Variants in PITPNC1 observed in about 807,000 individuals in gnomAD.
PITPNC1 encodes cytoplasmic phosphatidylinositol transfer protein 1.
Under a neutral mutation model 44.7 loss-of-function variants are expected in PITPNC1, and 18 were observed. The observed-to-expected ratio is 0.40, with a 90% CI of 0.28 to 0.60. The LOEUF is 0.60. PITPNC1 is among the 20% of genes least tolerant of loss of function. The probability of loss-of-function intolerance (pLI) is 0.39; values close to 1 mark genes in which losing one functional copy is unlikely to be tolerated. For missense variants in PITPNC1, 290 were observed against 418.4 expected (o/e 0.69, Z 2.68); for synonymous variants, 141 against 149.6 (o/e 0.94, Z 0.42).
intron 5 of PITPNC1, among the ~76,000 whole-genome samples, chr17:67,586,178 A>G (rs913336995): frequency 5.9e-5 from 9 of 152,222 alleles, no homozygotes; most frequent in Non-Finnish European, 1.3e-4. Context: ...CTATGGGGCC[A>G]TGGCAGAGTG....
At chr17:67,512,627 T>G (rs1040605912) in intron 1 of PITPNC1, among the ~76,000 whole-genome samples, 5 of 152,174 alleles carry the variant, frequency 3.3e-5, no homozygotes, top group Non-Finnish European at 7.3e-5. Flanking sequence ...TATCATTTTT[T>G]GTTTATATAT....
intron 1 of PITPNC1, among the ~76,000 whole-genome samples, chr17:67,510,544 T>C (rs2040171691): frequency 6.6e-6 from 1 of 152,272 alleles, no homozygotes; most frequent in African/African-American, 2.4e-5. Context: ...AGGGCGCCCT[T>C]GACCGCCTCG....
At chr17:67,617,003 T>TCGGC (rs1188139112) in intron 5 of PITPNC1, among the ~76,000 whole-genome samples, 1 of 152,228 alleles carries the variant, frequency 6.6e-6, no homozygotes, top group Non-Finnish European at 1.5e-5. Context: ...ATGTCCACCA[T>TCGGC]CGGCCGGTCT....
At chr17:67,425,245 A>G (rs1210287288) in intron 1 of PITPNC1, among the ~76,000 whole-genome samples, 2 of 143,196 alleles carry the variant, frequency 1.4e-5, no homozygotes, top group African/African-American at 5.3e-5. Flanking sequence ...ACACACACAC[A>G]CACACACACA....
At chr17:67,607,101 T>C (rs1449676986) in intron 5 of PITPNC1, among the ~76,000 whole-genome samples, 8 of 152,188 alleles carry the variant, frequency 5.3e-5, no homozygotes, top group African/African-American at 1.2e-4. Flanking sequence ...GGAAAGACCA[T>C]GTGAGCACAA....
At chr17:67,513,489 G>GTGTGTATATATATATATA (rs772483698) in intron 1 of PITPNC1, among the ~76,000 whole-genome samples, 2 of 138,670 alleles carry the variant, frequency 1.4e-5, no homozygotes, top group African/African-American at 5.4e-5. Flanking sequence ...GTGTGTGTGT[G>GTGTGTATATATATATATA]TATATATATA....
chr17:67,646,811 C>T (rs942427262), intron 6 of PITPNC1, among the ~76,000 whole-genome samples: 6 of 151,980 alleles, frequency 3.9e-5, no homozygotes, highest in Admixed American at 6.6e-5. Context: ...ATTACAAGTA[C>T]GAGCCACCAC....
intron 1 of PITPNC1, among the ~76,000 whole-genome samples, chr17:67,436,906 G>GTGT (rs2038944651): frequency 4.0e-5 from 5 of 123,646 alleles, no homozygotes; most frequent in African/African-American, 1.5e-4. Context: ...GAAAATAGGG[G>GTGT]TGTTTTTTTT....
At chr17:67,683,092 C>T (rs957975769) in intron 8 of PITPNC1, among the ~76,000 whole-genome samples, 5 of 142,124 alleles carry the variant, frequency 3.5e-5, no homozygotes, top group Non-Finnish European at 1.5e-5. Context: ...CCCGGAAGGC[C>T]GAGTTTGTGG....
intron 6 of PITPNC1, among the ~76,000 whole-genome samples, chr17:67,666,866 C>G (rs1272777519): frequency 6.6e-6 from 1 of 152,224 alleles, no homozygotes; most frequent in Non-Finnish European, 1.5e-5. Context: ...GAGGCCAGTG[C>G]CAGATGGCCT....
intron 4 of PITPNC1, among the ~76,000 whole-genome samples, chr17:67,572,624 A>G (rs1444985228): frequency 6.6e-6 from 1 of 151,914 alleles, no homozygotes; most frequent in Non-Finnish European, 1.5e-5. Flanking sequence ...GACAAAGGAG[A>G]TACGCGCTGT....
intron 5 of PITPNC1, among the ~76,000 whole-genome samples, chr17:67,599,624 G>A (rs1415780083): frequency 2.0e-5 from 3 of 152,250 alleles, no homozygotes; most frequent in Non-Finnish European, 4.4e-5. Flanking sequence ...ACAGAGTTCC[G>A]TGAACACAGA....
At chr17:67,387,151 G>A (rs1229001903) in intron 1 of PITPNC1, among the ~76,000 whole-genome samples, 1 of 152,124 alleles carries the variant, frequency 6.6e-6, no homozygotes, top group African/African-American at 2.4e-5. Context: ...GCTGCACACC[G>A]CCAGGGGGCG....
intron 5 of PITPNC1, among the ~76,000 whole-genome samples, chr17:67,591,359 G>T (rs931550181): frequency 2.6e-5 from 4 of 152,194 alleles, no homozygotes; most frequent in Non-Finnish European, 5.9e-5. Flanking sequence ...GAGAAAAAGA[G>T]CCCAAAGGAT....
chr17:67,652,833 CAT>C lies in PITPNC1; in HGVS notation c.463-16674_463-16673del, dbSNP rs374339405. Among the ~76,000 whole-genome samples, 529 of 151,316 alleles carry C rather than the reference CAT, an allele frequency of 3.5e-3. 2 individuals carry two copies. Among genetic ancestry groups the C allele is most frequent in the African/African-American group, 0.012 (484 of 41,044 alleles). ...TTGCCTTGTAAAAACCTCTCTGACT[CAT>C]GTTATGGGTTTGTGTCCCCCCAGAA... is the stretch of plus-strand genomic sequence containing the variant. On this transcript the variant is annotated intron_variant, in intron 6 of 8. Transcript: ENST00000581322.
intron 7 of PITPNC1, among the ~76,000 whole-genome samples, chr17:67,672,265 T>G (rs544808233): frequency 6.6e-6 from 1 of 152,034 alleles, no homozygotes; most frequent in African/African-American, 2.4e-5. Flanking sequence ...CAAAGCATAT[T>G]TAATAAGGCA....
At chr17:67,615,480 G>A (rs1027673925) in intron 5 of PITPNC1, among the ~76,000 whole-genome samples, 6 of 152,094 alleles carry the variant, frequency 3.9e-5, no homozygotes, top group Non-Finnish European at 8.8e-5. Context: ...CCACCCCACC[G>A]CACGAGCCAT....
intron 5 of PITPNC1, among the ~76,000 whole-genome samples, chr17:67,620,216 A>G (rs2934570): frequency 0.065 from 9,927 of 151,776 alleles, 890 homozygotes; most frequent in African/African-American, 0.2. Flanking sequence ...ACCACACCTG[A>G]CGAATTTTTA....
intron 1 of PITPNC1, among the ~76,000 whole-genome samples, chr17:67,485,773 A>G (rs2144035230): frequency 6.6e-6 from 1 of 152,316 alleles, no homozygotes; most frequent in Middle Eastern, 3.4e-3. Context: ...TCAAGAGGAA[A>G]GAAAAATGAC....
Sources: allele counts gnomAD v4.1 joint callset (sites outside exome capture counted in the v4.1 genomes callset), GRCh38; gene constraint gnomAD v4.1.1; transcripts MANE v1.5; gene names NCBI Gene and HGNC (gene_info 2026-07-23, HGNC 2026-07-21).